PTPRT: variants seen among roughly 807,000 people sequenced by gnomAD.
PTPRT encodes the protein protein tyrosine phosphatase receptor type T.
Under a neutral mutation model 176.8 loss-of-function variants are expected in PTPRT, and 56 were observed. The ratio of observed to expected loss-of-function variants is 0.32; its 90% CI spans 0.26 to 0.40. The LOEUF is 0.40. PTPRT is among the 10% of genes least tolerant of loss of function. The pLI is 1.00. For synonymous variants in PTPRT, 783 were observed against 739.0 expected (o/e 1.06, Z -0.96); for missense variants, 1,540 against 1,908.2 (o/e 0.81, Z 3.60).
chr20:42,694,365 G>T (rs1244291679), intron 6 of PTPRT, among the ~76,000 whole-genome samples: 1 of 152,086 alleles, frequency 6.6e-6, no homozygotes, highest in East Asian at 1.9e-4. Flanking sequence ...TGCACGGATA[G>T]TTCATTTATT....
chr20:42,472,962 T>A (rs1230925741), intron 7 of PTPRT, among the ~76,000 whole-genome samples: 1 of 152,154 alleles, frequency 6.6e-6, no homozygotes, highest in Non-Finnish European at 1.5e-5. Context: ...CCTGCCTCCT[T>A]ATACTGAATT....
rs893830268 is a variant in PTPRT at position 42,904,818 on chromosome 20, A to T, written c.89-18886T>A. Among the ~76,000 whole-genome samples, 16 of 152,230 alleles carry T rather than the reference A, an allele frequency of 1.1e-4. 1 individual carries two copies. The highest frequency in any genetic ancestry group is 1.5e-4 in the Non-Finnish European group (10 of 68,040). ...CCTGACAGAAACAAGAAATGGGGAA[A>T]GGATCCCCTATTTAATAAATGGTGC... is the stretch of plus-strand genomic sequence containing the variant. On this transcript the variant is annotated intron_variant, in intron 1 of 30. Transcript: ENST00000373187.
At chr20:42,845,245 G>T (rs1324048988) in intron 2 of PTPRT, among the ~76,000 whole-genome samples, 1 of 152,052 alleles carries the variant, frequency 6.6e-6, no homozygotes, top group Non-Finnish European at 1.5e-5. Flanking sequence ...CAGAGGTCCA[G>T]ACTGGGGAAA....
intron 7 of PTPRT, among the ~76,000 whole-genome samples, chr20:42,551,567 A>G (rs1189638360): frequency 1.3e-5 from 2 of 152,176 alleles, no homozygotes; most frequent in Non-Finnish European, 2.9e-5. Context: ...GTCAATGCTT[A>G]TCTGGTGTAA....
At chr20:42,189,570 T>A (rs539098061) in intron 16 of PTPRT, among the ~76,000 whole-genome samples, 1 of 152,180 alleles carries the variant, frequency 6.6e-6, no homozygotes, top group Non-Finnish European at 1.5e-5. Context: ...ATAATTCAAT[T>A]TGAGAAGGTT....
At chr20:42,988,689 G>A (rs540174646) in intron 1 of PTPRT, among the ~76,000 whole-genome samples, 1 of 152,342 alleles carries the variant, frequency 6.6e-6, no homozygotes, top group Admixed American at 6.5e-5. Context: ...GACAGTGGCT[G>A]CAGGGAAATA....
intron 9 of PTPRT, among the ~76,000 whole-genome samples, chr20:42,364,210 G>A (rs192902386): frequency 6.6e-6 from 1 of 152,282 alleles, no homozygotes; most frequent in African/African-American, 2.4e-5. Flanking sequence ...CCCTTCTAAG[G>A]AGAAATCCAT....
At chr20:42,994,609 T>G (rs1984126561) in intron 1 of PTPRT, among the ~76,000 whole-genome samples, 1 of 152,188 alleles carries the variant, frequency 6.6e-6, no homozygotes. Flanking sequence ...TGTTAGAGCT[T>G]ATTGGTATTG....
chr20:42,475,945 C>T (rs952056657), intron 7 of PTPRT, among the ~76,000 whole-genome samples: 4 of 152,162 alleles, frequency 2.6e-5, no homozygotes, highest in East Asian at 1.9e-4. Context: ...GTGACTGTCA[C>T]GGCGGGCCCC....
rs1293688773 is a variant in PTPRT at position 42,350,791 on chromosome 20, G to GC, written c.1763-62dup. ...ACAGATTCCCAACTGGCTCCCCACC[G>GC]CCCCTTGCTGCCATCCTTAAAGACA... On this transcript the variant is annotated intron_variant, in intron 10 of 30. Coordinates refer to ENST00000373187, the MANE Select transcript of PTPRT (RefSeq NM_007050.6). The GC allele has an allele frequency of 5.2e-6, 6 of 1,164,286 alleles. No individual in the cohort carries two copies. In the East Asian group the frequency reaches 1.2e-4, roughly 23 times the overall value. 72.1% of individuals were successfully genotyped at this position (1,164,286 alleles called of 1,614,324 possible). A position where few individuals can be genotyped will look rare whatever the true frequency, so the allele number is the denominator to read the frequency against.
intron 11 of PTPRT, among the ~76,000 whole-genome samples, chr20:42,343,187 G>C (rs748998997): frequency 6.9e-4 from 105 of 152,252 alleles, no homozygotes; most frequent in Non-Finnish European, 1.4e-3. Context: ...GGTTGCAGCT[G>C]TCCTTGCTCA....
chr20:42,473,372 A>AT (rs1056692590), intron 7 of PTPRT, among the ~76,000 whole-genome samples: 8 of 150,598 alleles, frequency 5.3e-5, no homozygotes, highest in South Asian at 4.4e-4. Flanking sequence ...CATTAAATAG[A>AT]TTTTTTTAAT....
chr20:43,124,496 C>G (rs1389988514), intron 1 of PTPRT, among the ~76,000 whole-genome samples: 1 of 152,142 alleles, frequency 6.6e-6, no homozygotes, highest in Non-Finnish European at 1.5e-5. Flanking sequence ...TGCATTTGGA[C>G]CCCAGTTCAC....
chr20:43,052,982 C>T (rs142209263), intron 1 of PTPRT, among the ~76,000 whole-genome samples: 2 of 152,018 alleles, frequency 1.3e-5, no homozygotes, highest in African/African-American at 2.4e-5. Context: ...GTACCTGAAA[C>T]GTTCATAGCA....
chr20:42,455,021 T>A (rs964583775), intron 8 of PTPRT, among the ~76,000 whole-genome samples: 6 of 152,202 alleles, frequency 3.9e-5, no homozygotes, highest in Non-Finnish European at 5.9e-5. Flanking sequence ...TTGGTTGGGT[T>A]ACTCTGAGAC....
At chr20:42,032,217 G>A in the PTPRT span, among the ~76,000 whole-genome samples, 1 of 152,124 alleles carries the variant, frequency 6.6e-6, no homozygotes, top group Non-Finnish European at 1.5e-5. Flanking sequence ...GATGGGGAGT[G>A]ATAGGATATC....
intron 7 of PTPRT, among the ~76,000 whole-genome samples, chr20:42,556,559 TATA>T (rs779203333): frequency 4.2e-3 from 1 of 236 alleles, no homozygotes; most frequent in Non-Finnish European, 8.9e-3. Flanking sequence ...TATATATATA[TATA>T]TCCCCTATCT....
intron 7 of PTPRT, among the ~76,000 whole-genome samples, chr20:42,620,029 A>G (rs200300812): frequency 6.7e-6 from 1 of 150,216 alleles, no homozygotes. Context: ...GCGTTTTAGA[A>G]TTTCCAGTTT....
chr20:42,838,888 C>T, intron 2 of PTPRT, among the ~76,000 whole-genome samples: 1 of 152,142 alleles, frequency 6.6e-6, no homozygotes. Flanking sequence ...TCCTTGCCCC[C>T]TTTATATAGG....
Sources: allele counts gnomAD v4.1 joint callset (sites outside exome capture counted in the v4.1 genomes callset), GRCh38; gene constraint gnomAD v4.1.1; transcripts MANE v1.5; gene names NCBI Gene and HGNC (gene_info 2026-07-23, HGNC 2026-07-21).